The following N4BP2L2 variants were observed in gnomAD, a reference collection of about 807,000 sequenced individuals.
The protein encoded by N4BP2L2 is NEDD4 binding protein 2 like 2, also known as NEDD4-binding protein 2-like 2.
A neutral mutation model predicts 56.2 loss-of-function variants in N4BP2L2; 50 were observed. The ratio of observed to expected loss-of-function variants is 0.89; its 90% confidence interval spans 0.71 to 1.13. The LOEUF (loss-of-function observed/expected upper bound fraction) is 1.13. Among genes scored for constraint, N4BP2L2 ranks in the 50% most tolerant of loss-of-function variants. The pLI is 0.00. For missense variants in N4BP2L2, 689 were observed against 693.8 expected (o/e 0.99, Z 0.08); for synonymous variants, 203 against 223.6 (o/e 0.91, Z 0.82).
intron 9 of N4BP2L2, among the ~76,000 whole-genome samples, chr13:32,434,702 T>C (rs186583274): frequency 6.6e-6 from 1 of 152,326 alleles, no homozygotes; most frequent in East Asian, 1.9e-4. Context: ...TTTCTAAATT[T>C]CTGTTTACCC....
intron 6 of N4BP2L2, among the ~76,000 whole-genome samples, chr13:32,448,952 T>C (rs139493560): frequency 6.9e-4 from 105 of 152,268 alleles, no homozygotes; most frequent in Non-Finnish European, 1.3e-3. Flanking sequence ...CAGTTAGCAG[T>C]GGGATCTTGG....
At chr13:32,486,259 G>A (rs746054280) in intron 6 of N4BP2L2, among the ~76,000 whole-genome samples, 13 of 152,114 alleles carry the variant, frequency 8.5e-5, no homozygotes, top group Middle Eastern at 6.8e-3. Flanking sequence ...CACCACAGGC[G>A]ATTAGGCAAG....
intron 8 of N4BP2L2, chr13:32,438,625 TAC>T (rs374411974): frequency 6.9e-3 from 9,431 of 1,359,734 alleles, no homozygotes; most frequent in South Asian, 7.9e-3. Context: ...CAAAAATACA[TAC>T]ACACACACAC....
intron 6 of N4BP2L2, among the ~76,000 whole-genome samples, chr13:32,469,088 C>A (rs961675897): frequency 1.3e-5 from 2 of 152,224 alleles, no homozygotes; most frequent in Non-Finnish European, 2.9e-5. Context: ...CTGCTACGGT[C>A]CCCCGAGTGT....
exon 7 of N4BP2L2, chr13:32,443,941 G>A: frequency 2.5e-6 from 4 of 1,597,144 alleles, no homozygotes; most frequent in African/African-American, 1.3e-5. Flanking sequence ...TTCTCTTCTG[G>A]TCTTTTCAAT....
At chr13:32,493,551 G>A (rs1213819927) in intron 6 of N4BP2L2, among the ~76,000 whole-genome samples, 2 of 152,060 alleles carry the variant, frequency 1.3e-5, no homozygotes, top group Admixed American at 6.6e-5. Flanking sequence ...CAGACTGCTG[G>A]GTACTGTGAG....
At chr13:32,446,432 T>C (rs750840556) in intron 6 of N4BP2L2, 1 of 1,358,364 alleles carries the variant, frequency 7.4e-7, no homozygotes, top group South Asian at 1.2e-5. Context: ...CAGACTAGTA[T>C]GTCATTCTGA....
At chr13:32,501,117 C>T (rs1286008446) in intron 6 of N4BP2L2, among the ~76,000 whole-genome samples, 6 of 152,172 alleles carry the variant, frequency 3.9e-5, no homozygotes, top group Non-Finnish European at 8.8e-5. Flanking sequence ...ATCTGCCCAC[C>T]TCGGTCTCCT....
intron 6 of N4BP2L2, among the ~76,000 whole-genome samples, chr13:32,459,316 A>G (rs2079562583): frequency 6.6e-6 from 1 of 152,142 alleles, no homozygotes. Context: ...AGATCAAAAA[A>G]AGACAAAACA....
At chr13:32,492,616 G>A (rs147682018) in intron 6 of N4BP2L2, among the ~76,000 whole-genome samples, 15 of 152,056 alleles carry the variant, frequency 9.9e-5, no homozygotes, top group African/African-American at 3.4e-4. Context: ...AGTAACAGGC[G>A]CACTATTAAG....
chr13:32,432,986 C>CA (rs1276757325), intron 9 of N4BP2L2: 1 of 152,264 alleles, frequency 6.6e-6, no homozygotes, highest in Non-Finnish European at 1.5e-5. Flanking sequence ...CAAGCAAACA[C>CA]AAGCCCAGAC....
At chr13:32,475,195 A>G (rs2083066373) in intron 6 of N4BP2L2, among the ~76,000 whole-genome samples, 1 of 152,240 alleles carries the variant, frequency 6.6e-6, no homozygotes, top group Admixed American at 6.5e-5. Context: ...GAAATTATTT[A>G]TCTGCACACT....
At chr13:32,534,076 AC>A (rs1388895635) in intron 2 of N4BP2L2, among the ~76,000 whole-genome samples, 1 of 152,144 alleles carries the variant, frequency 6.6e-6, no homozygotes, top group African/African-American at 2.4e-5. Flanking sequence ...CTTAACCTCA[AC>A]TTCCTTTAGC....
exon 2 of N4BP2L2, chr13:32,536,089 T>C: frequency 6.2e-7 from 1 of 1,614,146 alleles, no homozygotes; most frequent in Non-Finnish European, 8.5e-7. Context: ...ATCCATTTTG[T>C]ATCTGAGAGT....
chr13:32,478,037 G>A, intron 6 of N4BP2L2: 1 of 1,289,204 alleles, frequency 7.8e-7, no homozygotes, highest in Non-Finnish European at 1.0e-6. Context: ...ATCCCCATTA[G>A]TCTGCTGGTT....
At chr13:32,493,709 A>G (rs555457055) in intron 6 of N4BP2L2, among the ~76,000 whole-genome samples, 1 of 152,216 alleles carries the variant, frequency 6.6e-6, no homozygotes, top group Non-Finnish European at 1.5e-5. Context: ...AATGTATAAG[A>G]AGGAAATAAA....
intron 2 of N4BP2L2, among the ~76,000 whole-genome samples, chr13:32,532,896 TA>T (rs1555276457): frequency 2.9e-4 from 42 of 145,400 alleles, no homozygotes; most frequent in South Asian, 8.7e-4. Context: ...GGCCTTTTTT[TA>T]AAAAAAAAAA....
chr13:32,462,094 T>G (rs1184424215), intron 6 of N4BP2L2, among the ~76,000 whole-genome samples: 1 of 152,148 alleles, frequency 6.6e-6, no homozygotes, highest in Non-Finnish European at 1.5e-5. Flanking sequence ...CCTTGGGATA[T>G]TTATCCAAAG....
chr13:32,486,860 G>T (rs150746885), intron 6 of N4BP2L2, among the ~76,000 whole-genome samples: 1 of 151,962 alleles, frequency 6.6e-6, no homozygotes, highest in East Asian at 1.9e-4. Context: ...TTAGCCAGGC[G>T]TGGTGGCATG....
Sources: gnomAD v4.1 joint callset for allele counts (sites outside exome capture counted in the v4.1 genomes callset) on GRCh38, gnomAD v4.1.1 for gene constraint, MANE v1.5 for transcripts, NCBI Gene and HGNC (gene_info 2026-07-23, HGNC 2026-07-21) for gene names.